Variants in MCF2L2 observed in about 807,000 individuals in gnomAD.
The protein encoded by MCF2L2 is MCF.2 cell line derived transforming sequence-like 2, also known as probable guanine nucleotide exchange factor MCF2L2.
MCF2L2 carries 102 observed loss-of-function variants against 150.2 expected under a neutral mutation model. The observed-to-expected ratio is 0.68, with a 90% CI of 0.58 to 0.80. The LOEUF is 0.80. Ranked by LOEUF, MCF2L2 falls within the 30% of genes least tolerant of loss-of-function variation. The probability of loss-of-function intolerance (pLI) is 0.00; values close to 1 mark genes in which losing one functional copy is unlikely to be tolerated. For missense variants in MCF2L2, 1,256 were observed against 1,372.8 expected, an observed-to-expected ratio of 0.91 and a Z score of 1.34; for synonymous variants, 465 against 491.3, an observed-to-expected ratio of 0.95 and a Z score of 0.71.
rs1027479912 is a variant in MCF2L2 at position 183,179,792 on chromosome 3, CA to C, written c.3106-101del. The C allele has an allele frequency of 4.8e-5, 50 of 1,052,502 alleles. No individual in the cohort carries two copies. In the African/African-American group the frequency reaches 7.4e-4, roughly 16 times the overall value. The allele number at this position is 1,052,502 out of a possible 1,614,324, so 65.2% of individuals were successfully genotyped here. ...CCCGCTGGCAGGCTGAGGCCCACCC[CA>C]GCCCTCCCACCTGGGCCACGGGGCT... On this transcript the variant is annotated intron_variant, in intron 28 of 29. Coordinates refer to ENST00000328913, the MANE Select transcript of MCF2L2 (RefSeq NM_015078.4). The surrounding 1 kb of genome is among the most constrained non-coding windows in gnomAD (Gnocchi z 4.2).
chr3:183,352,974 G>A (rs1193728512), intron 3 of MCF2L2, among the ~76,000 whole-genome samples: 3 of 152,210 alleles, frequency 2.0e-5, no homozygotes, highest in South Asian at 2.1e-4. Flanking sequence ...GAAAATGTTC[G>A]ATATGTTATC....
chr3:183,244,665 G>C (rs1403618466), intron 15 of MCF2L2, among the ~76,000 whole-genome samples: 1 of 152,108 alleles, frequency 6.6e-6, no homozygotes, highest in Non-Finnish European at 1.5e-5. Context: ...AAAAACAGAA[G>C]TAGAAATAGA....
chr3:183,424,646 T>C (rs982417761), intron 1 of MCF2L2, among the ~76,000 whole-genome samples: 2 of 151,104 alleles, frequency 1.3e-5, no homozygotes, highest in African/African-American at 4.9e-5. Context: ...CAGGGGAGAG[T>C]ATGATGGGCA....
intron 7 of MCF2L2, among the ~76,000 whole-genome samples, chr3:183,312,475 C>G (rs914932243): frequency 1.3e-5 from 2 of 152,152 alleles, no homozygotes; most frequent in Non-Finnish European, 2.9e-5. Flanking sequence ...AAAGAAAGTC[C>G]AGACTGCAAA....
At position 183,179,370 on chromosome 3, in the gene MCF2L2, C is replaced by T; in HGVS notation, c.*10G>A. 2.1e-6 allele frequency: 3 copies of T among 1,453,274 alleles called. No individual in the cohort carries two copies. Among genetic ancestry groups the T allele is most frequent in the Non-Finnish European group, 1.8e-6 (2 of 1,103,850 alleles). 90.0% of individuals were successfully genotyped at this position (1,453,274 alleles called of 1,614,324 possible). A position where few individuals can be genotyped will look rare whatever the true frequency, so the allele number is the denominator to read the frequency against. ...TCTGGAGCCGAGGAGCGGGGGCGTCCGCAGGGAGGTCAGCTCTCCTGGGCG... is the reference window on the plus strand; with the variant it reads ...TCTGGAGCCGAGGAGCGGGGGCGTCTGCAGGGAGGTCAGCTCTCCTGGGCG... On this transcript the variant is annotated 3_prime_UTR_variant, in exon 30 of 30. Coordinates refer to ENST00000328913, the MANE Select transcript of MCF2L2 (RefSeq NM_015078.4). This position sits in a 1 kb window ranked among gnomAD's most constrained non-coding sequence, Gnocchi z 4.2.
rs1489437403 is a variant in MCF2L2, at chr3:183,184,440, T to C, written c.3017-4281A>G. ...CCCTGAGTCTCTGGGGCACTCTCAG[T>C]CTATGTATCAGATAAGCATAAGGAG... On this transcript the variant is annotated intron_variant, in intron 27 of 29. Transcript: ENST00000328913. Among the ~76,000 whole-genome samples the C allele has an allele frequency of 2.0e-5, 3 of 152,318 alleles. 1 individual carries two copies. The highest frequency in any genetic ancestry group is 2.0e-4 in the Admixed American group (3 of 15,300).
intron 14 of MCF2L2, among the ~76,000 whole-genome samples, chr3:183,277,578 C>T (rs576189122): frequency 5.3e-4 from 80 of 151,714 alleles, no homozygotes; most frequent in South Asian, 3.1e-3. Flanking sequence ...TGCGTGATAA[C>T]AAGTCTAACT....
chr3:183,255,448 G>C (rs1359021940), intron 15 of MCF2L2, among the ~76,000 whole-genome samples: 1 of 152,202 alleles, frequency 6.6e-6, no homozygotes, highest in Non-Finnish European at 1.5e-5. Flanking sequence ...TAACCTGCTT[G>C]TCCTTCTCAC....
At chr3:183,375,749 C>G (rs1560046749) in intron 3 of MCF2L2, 2 of 152,174 alleles carry the variant, frequency 1.3e-5, no homozygotes. Context: ...TGTATCAATT[C>G]TTTTTTATCC....
intron 15 of MCF2L2, among the ~76,000 whole-genome samples, chr3:183,246,781 C>T (rs750504724): frequency 2.6e-5 from 4 of 152,104 alleles, no homozygotes; most frequent in Non-Finnish European, 4.4e-5. Flanking sequence ...CTACAGCAGC[C>T]GCATCTTTTA....
Position 183,297,164 on chromosome 3 carries a change from T to C in MCF2L2, c.1309A>G (p.Ser437Gly). ...LEFHRQLDKVSQWCEAGIYLL... is the reference protein window; with the variant it reads ...LEFHRQLDKVGQWCEAGIYLL... Reference sequence around the variant, plus strand: ...TAGATTCCTGCCTCACACCATTGGCTGACCTTTTGGAAAGAAACAGTGCCC... The same window carrying C: ...TAGATTCCTGCCTCACACCATTGGCCGACCTTTTGGAAAGAAACAGTGCCC... The change falls in exon 12 of 30, where the codon AGC becomes GGC. Residue 437 changes from serine (S) to glycine (G), a missense_variant. Transcript: ENST00000328913. The C allele has an allele frequency of 4.3e-6, 7 of 1,613,766 alleles. No individual in the cohort carries two copies. The highest frequency in any genetic ancestry group is 5.9e-6 in the Non-Finnish European group (7 of 1,179,794).
chr3:183,262,056 G>A (rs1725643524), intron 15 of MCF2L2, among the ~76,000 whole-genome samples: 2 of 142,430 alleles, frequency 1.4e-5, no homozygotes, highest in Non-Finnish European at 3.0e-5. Context: ...AAGGAATGAG[G>A]AATGCATATA....
At chr3:183,182,237 T>C (rs1164662538) in intron 27 of MCF2L2, among the ~76,000 whole-genome samples, 2 of 151,966 alleles carry the variant, frequency 1.3e-5, no homozygotes, top group Non-Finnish European at 2.9e-5. Context: ...CACCTCCCTG[T>C]GGGGGACTGT....
At chr3:183,243,598 A>G (rs1217492574) in intron 15 of MCF2L2, among the ~76,000 whole-genome samples, 2 of 152,230 alleles carry the variant, frequency 1.3e-5, no homozygotes, top group Admixed American at 6.5e-5. Flanking sequence ...CAGTTTGTCC[A>G]GTGAACTTAG....
At chr3:183,330,704 T>C (rs1021166362) in intron 5 of MCF2L2, among the ~76,000 whole-genome samples, 1 of 152,174 alleles carries the variant, frequency 6.6e-6, no homozygotes, top group Non-Finnish European at 1.5e-5. Context: ...TTTCTTCTTT[T>C]AATCTTTACA....
chr3:183,402,314 G>A (rs180683539), intron 1 of MCF2L2, among the ~76,000 whole-genome samples: 8 of 151,812 alleles, frequency 5.3e-5, no homozygotes, highest in Non-Finnish European at 8.8e-5. Flanking sequence ...GGCGTGGTGG[G>A]TTTTTCCCGG....
intron 1 of MCF2L2, among the ~76,000 whole-genome samples, chr3:183,408,083 C>T (rs2108618813): frequency 6.6e-6 from 1 of 151,054 alleles, no homozygotes; most frequent in South Asian, 2.1e-4. Context: ...AACATTTGCT[C>T]TCCCATCTTC....
At chr3:183,360,968 GAAAAGAA>G (rs1712112673) in intron 3 of MCF2L2, among the ~76,000 whole-genome samples, 3 of 56,142 alleles carry the variant, frequency 5.3e-5, no homozygotes, top group Non-Finnish European at 1.0e-4. Flanking sequence ...GAAAAGAAAA[GAAAAGAA>G]AAGAAAAGAA....
rs1722460597 is a variant in MCF2L2 at position 183,206,100 on chromosome 3, A to T, written c.2805+22T>A. ...AATAAGGAAAGAGTAGAGGAGACCC[A>T]TGGGGAAGGCATGAGCGTTACCTGC... On this transcript the variant is annotated intron_variant, in intron 24 of 29. Coordinates refer to ENST00000328913, the MANE Select transcript of MCF2L2 (RefSeq NM_015078.4). 4 of 1,608,332 alleles carry T rather than the reference A, an allele frequency of 2.5e-6. No individual in the cohort carries two copies. The Admixed American group carries it at 5.0e-5, about 20-fold the overall frequency.
Sources: allele counts gnomAD v4.1 joint callset (sites outside exome capture counted in the v4.1 genomes callset), GRCh38; gene constraint gnomAD v4.1.1; non-coding constraint Gnocchi (gnomAD v3.1); transcripts MANE v1.5; gene names NCBI Gene and HGNC (gene_info 2026-07-23, HGNC 2026-07-21).